The following NPVF variants were observed in gnomAD, a reference collection of about 807,000 sequenced individuals.
NPVF encodes the protein pro-FMRFamide-related neuropeptide VF.
A neutral mutation model predicts 15.7 loss-of-function variants in NPVF; 17 were observed. The observed-to-expected ratio is 1.08, with a 90% CI of 0.74 to 1.62. The LOEUF (loss-of-function observed/expected upper bound fraction) is 1.62. Among genes scored for constraint, NPVF ranks in the 40% most tolerant of loss-of-function variants. The pLI, the probability that NPVF is intolerant of heterozygous loss-of-function variation, is 0.00. For missense variants in NPVF, 270 were observed against 225.2 expected (o/e 1.20, Z -1.27); for synonymous variants, 70 against 80.1 (o/e 0.87, Z 0.67).
chr7:25,228,173 G>A, intron 1 of NPVF, 129 bp downstream of exon 1: 3 of 674,408 alleles, frequency 4.4e-6, no homozygotes, highest in South Asian at 1.9e-5. Flanking sequence ...ATTGTCAGAG[G>A]AAGGCTGAAA....
chr7:25,227,732 G>T (rs1324505329), intron 1 of NPVF, among the ~76,000 whole-genome samples: 1 of 152,152 alleles, frequency 6.6e-6, no homozygotes, highest in Non-Finnish European at 1.5e-5. Context: ...TACCATAGGA[G>T]CTTGTCCATA....
At chr7:25,227,592 G>A (rs1361998742) in intron 1 of NPVF, among the ~76,000 whole-genome samples, 1 of 152,042 alleles carries the variant, frequency 6.6e-6, no homozygotes, top group Non-Finnish European at 1.5e-5. Flanking sequence ...GAAACCAATT[G>A]CATTTTTATT....
At chr7:25,226,435 A>G (rs187057227) in intron 2 of NPVF, among the ~76,000 whole-genome samples, 191 bp downstream of exon 2, 9 of 152,340 alleles carry the variant, frequency 5.9e-5, no homozygotes, top group African/African-American at 2.2e-4. Flanking sequence ...ACCTTGAGCC[A>G]TGCTTATTAT....
intron 2 of NPVF, 57 bp downstream of exon 2, chr7:25,226,569 T>A: frequency 6.4e-7 from 1 of 1,551,162 alleles, no homozygotes; most frequent in Non-Finnish European, 8.7e-7. Context: ...TTTTTAAAGT[T>A]TCTAGACCAC....
Position 25,226,042 on chromosome 7 carries a change from T to A in NPVF, c.539+584A>T, listed in dbSNP as rs545664215. On this transcript the variant is annotated intron_variant, in intron 2 of 2. Coordinates refer to ENST00000222674, the MANE Select transcript of NPVF (RefSeq NM_022150.3). ...CATGTTCTACTTCATATAAAAAAAA[T>A]TTTTTTTAAGCATACGCTCTCTACT... Among the ~76,000 whole-genome samples, 22 of 152,126 alleles carry A rather than the reference T, an allele frequency of 1.4e-4. No homozygotes were observed. In the East Asian group the frequency reaches 1.5e-3, roughly 11 times the overall value.
chr7:25,228,285 A>T lies in NPVF; in HGVS notation c.138+17T>A, dbSNP rs1263091768. ...GTAATTAATGCTACTCACATTAGAG[A>T]GATTTAAAAAACTTACCTCAGAATA... On this transcript the variant is annotated intron_variant, in intron 1 of 2. Transcript: ENST00000222674. The T allele has an allele frequency of 7.1e-7, 1 of 1,402,946 alleles. No homozygotes were observed. The highest frequency in any genetic ancestry group is 1.7e-5 in the Admixed American group (1 of 57,542). The allele number at this position is 1,402,946 out of a possible 1,614,324, so 86.9% of individuals were successfully genotyped here.
At chr7:25,225,530 T>A (rs1183012504) in intron 2 of NPVF, among the ~76,000 whole-genome samples, 1 of 152,270 alleles carries the variant, frequency 6.6e-6, no homozygotes, top group Non-Finnish European at 1.5e-5. Flanking sequence ...CGCTCTCTGC[T>A]CTTACTCTAA....
Position 25,226,714 on chromosome 7 carries a change from A to G in NPVF, c.451T>C (p.Ser151Pro), listed in dbSNP as rs1052950248. The G allele has an allele frequency of 5.0e-6, 8 of 1,614,026 alleles. No individual in the cohort carries two copies. The highest frequency in any genetic ancestry group is 2.7e-5 in the African/African-American group (2 of 74,904). Residue 151 changes from serine to proline, a missense_variant, in exon 2 of 3, where the codon TCC becomes CCC. Transcript: ENST00000222674. ...TCATTGGCACATGGTGAATGCATGG[A>G]TCCTTGACACAAATCACTCAGCATC... is the stretch of plus-strand genomic sequence containing the variant. ...CRMLSDLCQG[S>P]MHSPCANDLF... is the part of the protein sequence containing the mutation.
intron 2 of NPVF, 144 bp from the exon 3 acceptor site, chr7:25,225,317 G>C (rs1288799171): frequency 3.0e-6 from 2 of 656,796 alleles, no homozygotes; most frequent in Non-Finnish European, 5.3e-6. Flanking sequence ...ATATTGGGGG[G>C]ATGCTGAATC....
At chr7:25,227,527 G>C (rs902387630) in intron 1 of NPVF, among the ~76,000 whole-genome samples, 6 of 152,198 alleles carry the variant, frequency 3.9e-5, no homozygotes, top group Non-Finnish European at 8.8e-5. Flanking sequence ...AGAAGGCCCA[G>C]TGGATTTCTT....
At chr7:25,226,193 A>G (rs919271549) in intron 2 of NPVF, among the ~76,000 whole-genome samples, 3 of 152,240 alleles carry the variant, frequency 2.0e-5, no homozygotes, top group Non-Finnish European at 2.9e-5. Flanking sequence ...AGATCCAGAT[A>G]AAAGAAAACA....
rs144694231 is a variant in NPVF, at chr7:25,226,655, T to C, written c.510A>G (p.Glu170=). ...LFYSMTCQHQ[E]IQNPDQKQSR... The stretch of plus-strand genomic sequence containing the variant: ...ACTGTTTTTGATCGGGATTCTGGAT[T>C]TCTTGGTGCTGGCAGGTCATGGAGT... Residue 170 remains glutamate (E), a synonymous_variant, in exon 2 of 3, where the codon GAA becomes GAG. Coordinates refer to ENST00000222674, the MANE Select transcript of NPVF (RefSeq NM_022150.3). 6.2e-7 allele frequency: 1 copy of C among 1,613,972 alleles called. No homozygotes were observed. The highest frequency in any genetic ancestry group is 1.1e-5 in the South Asian group (1 of 91,050).
intron 1 of NPVF, 83 bp downstream of exon 1, chr7:25,228,219 C>G (rs1783155096): frequency 3.0e-6 from 3 of 987,894 alleles, no homozygotes; most frequent in Non-Finnish European, 4.7e-6. Flanking sequence ...CAACTTACTT[C>G]TTAGTCTTTA....
chr7:25,225,531 C>A (rs1411457858), intron 2 of NPVF, among the ~76,000 whole-genome samples: 1 of 152,266 alleles, frequency 6.6e-6, no homozygotes, highest in Non-Finnish European at 1.5e-5. Flanking sequence ...GCTCTCTGCT[C>A]TTACTCTAAC....
Position 25,226,626 on chromosome 7 carries a change from C to A in NPVF, c.539G>T (p.Arg180Met). Residue 180 changes from arginine (R) to methionine (M), a missense_variant and splice_region_variant, in exon 2 of 3, where the codon AGG becomes ATG. Arg to Met is a moderately conservative substitution (Grantham distance 91). Coordinates refer to ENST00000222674, the MANE Select transcript of NPVF (RefSeq NM_022150.3). ...EIQNPDQKQS[R>M]RLLFKKIDDA... ...CTTTGACTGGTTTCCAGGTATTTAC[C>A]TTGACTGTTTTTGATCGGGATTCTG... The A allele has an allele frequency of 6.2e-7, 1 of 1,612,672 alleles. No homozygotes were observed. Among genetic ancestry groups the A allele is most frequent in the Non-Finnish European group, 8.5e-7 (1 of 1,178,972 alleles).
At chr7:25,226,020 G>A (rs1783120831) in intron 2 of NPVF, among the ~76,000 whole-genome samples, 1 of 152,096 alleles carries the variant, frequency 6.6e-6, no homozygotes, top group Admixed American at 6.5e-5. Flanking sequence ...AAAGCATCAT[G>A]TTCTACTTCA....
At chr7:25,227,470 C>T (rs900733546) in intron 1 of NPVF, among the ~76,000 whole-genome samples, 8 of 152,220 alleles carry the variant, frequency 5.3e-5, no homozygotes, top group East Asian at 3.8e-4. Flanking sequence ...CATGGAAACA[C>T]GGTACATCAA....
intron 1 of NPVF, 57 bp downstream of exon 1, chr7:25,228,243 CTT>C: frequency 8.7e-7 from 1 of 1,153,898 alleles, no homozygotes; most frequent in South Asian, 1.4e-5. Context: ...AATCATTAGA[CTT>C]AGGATTAATA....
chr7:25,226,879 C>T lies in NPVF; in HGVS notation c.286G>A (p.Val96Ile), dbSNP rs951008601. ...GCTCCAGCACTTCTTTCTTCTTGAA[C>T]GTTCCTCCCAAATCTCAATGGCAAG... is the stretch of plus-strand genomic sequence containing the variant. ...ANLPLRFGRN[V>I]QEERSAGATA... The change falls in exon 2 of 3, where the codon GTT becomes ATT. Residue 96 changes from valine (V) to isoleucine (I), a missense_variant. Transcript: ENST00000222674. 19 of 1,614,078 alleles carry T rather than the reference C, an allele frequency of 1.2e-5. No individual in the cohort carries two copies. Among genetic ancestry groups the T allele is most frequent in the South Asian group, 1.1e-4 (10 of 91,086 alleles).
Sources: allele counts gnomAD v4.1 joint callset (sites outside exome capture counted in the v4.1 genomes callset), GRCh38; gene constraint gnomAD v4.1.1; transcripts MANE v1.5; gene names NCBI Gene and HGNC (gene_info 2026-07-23, HGNC 2026-07-21).